The following VWA5B1 variants were observed in gnomAD, a reference collection of about 807,000 sequenced individuals.
The protein encoded by VWA5B1 is von Willebrand factor A domain-containing protein 5B1.
Under a neutral mutation model 118.2 loss-of-function variants are expected in VWA5B1, and 115 were observed. That is an observed-to-expected ratio of 0.97 (90% confidence interval 0.84 to 1.14). The LOEUF is 1.14. Among genes scored for constraint, VWA5B1 ranks in the 50% most tolerant of loss-of-function variants. The probability of loss-of-function intolerance (pLI) is 0.00; values close to 1 mark genes in which losing one functional copy is unlikely to be tolerated. For missense variants in VWA5B1, 1,596 were observed against 1,603.8 expected (o/e 1.00, Z 0.08); for synonymous variants, 682 against 658.4 (o/e 1.04, Z -0.55).
At position 20,323,541 on chromosome 1, in the gene VWA5B1, T is replaced by A; in HGVS notation, c.1143+9T>A. ...GCATGCACCGAGTCAAGGTACCTGC[T>A]GAGAGAACCCCTCCCGAGGACCCGG... On this transcript the variant is annotated intron_variant, in intron 8 of 21. Coordinates refer to ENST00000289815, the MANE Select transcript of VWA5B1 (RefSeq NM_001039500.3). The A allele has an allele frequency of 7.1e-7, 1 of 1,407,286 alleles. No homozygotes were observed. Among genetic ancestry groups the A allele is most frequent in the Non-Finnish European group, 9.3e-7 (1 of 1,070,128 alleles). The allele number at this position is 1,407,286 out of a possible 1,614,324, so 87.2% of individuals were successfully genotyped here.
chr1:20,330,877 G>A lies in VWA5B1; in HGVS notation c.1466G>A (p.Ser489Asn). Reference protein sequence around the residue: ...RNHAFSTRCYSFGIGPNVCHR... With the variant: ...RNHAFSTRCYNFGIGPNVCHR... Reference sequence around the variant, plus strand: ...TTCTCCCTTTCCGCCAGGTGCTATAGCTTTGGAATTGGACCCAACGTCTGC... The same window carrying A: ...TTCTCCCTTTCCGCCAGGTGCTATAACTTTGGAATTGGACCCAACGTCTGC... Residue 489 changes from serine to asparagine, a missense_variant, in exon 11 of 22, where the codon AGC becomes AAC. By Grantham distance (46) the Ser-to-Asn change is conservative (BLOSUM62 1). Transcript: ENST00000289815. 6.4e-7 allele frequency: 1 copy of A among 1,551,742 alleles called. No homozygotes were observed. The highest frequency in any genetic ancestry group is 1.2e-5 in the South Asian group (1 of 84,062).
chr1:20,324,942 G>A (rs1227415224), intron 8 of VWA5B1, among the ~76,000 whole-genome samples: 3 of 152,206 alleles, frequency 2.0e-5, no homozygotes, highest in Non-Finnish European at 4.4e-5. Context: ...GCTGAAGCAC[G>A]CTCAAGGCCT....
intron 1 of VWA5B1, among the ~76,000 whole-genome samples, chr1:20,301,276 G>A (rs1480417942): frequency 6.6e-6 from 1 of 152,210 alleles, no homozygotes; most frequent in Non-Finnish European, 1.5e-5. Context: ...AAGAGAAAAG[G>A]GAATGAAAGC....
intron 4 of VWA5B1, 79 bp from the exon 5 acceptor site, chr1:20,317,450 CG>C: frequency 1.3e-6 from 2 of 1,499,408 alleles, no homozygotes; most frequent in East Asian, 5.0e-5. Context: ...TGGAACTCAT[CG>C]TCCTCTCCTT....
chr1:20,318,599 G>T lies in VWA5B1; in HGVS notation c.719G>T (p.Ser240Ile). 1 of 1,551,316 alleles carries T rather than the reference G, an allele frequency of 6.4e-7. No individual in the cohort carries two copies. Among genetic ancestry groups the T allele is most frequent in the South Asian group, 1.2e-5 (1 of 84,000 alleles). The change falls in exon 6 of 22, where the codon AGT becomes ATT. Residue 240 changes from serine to isoleucine, a missense_variant. Coordinates refer to ENST00000289815, the MANE Select transcript of VWA5B1 (RefSeq NM_001039500.3). ...TTTCTATGCCACTCAGGGGTGGAGAGTCCCACTCATGAGATTCGTGCCGAC... is the reference window on the plus strand; with the variant it reads ...TTTCTATGCCACTCAGGGGTGGAGATTCCCACTCATGAGATTCGTGCCGAC... ...RGPCLLAGVESPTHEIRADAA... is the reference protein window; with the variant it reads ...RGPCLLAGVEIPTHEIRADAA...
At chr1:20,348,204 A>C (rs748811205) in intron 17 of VWA5B1, 41 bp from the exon 18 acceptor site, 220 of 1,534,494 alleles carry the variant, frequency 1.4e-4, no homozygotes, top group Non-Finnish European at 1.8e-4. Flanking sequence ...GGACTGGCAC[A>C]TTTGTACCCA....
intron 1 of VWA5B1, among the ~76,000 whole-genome samples, chr1:20,310,365 T>C (rs1332108686): frequency 6.6e-6 from 1 of 152,160 alleles, no homozygotes; most frequent in Non-Finnish European, 1.5e-5. Context: ...TTTCTCTACC[T>C]GTAAAATGAA....
chr1:20,346,984 A>G (rs1451496975), intron 17 of VWA5B1, among the ~76,000 whole-genome samples: 2 of 152,062 alleles, frequency 1.3e-5, no homozygotes, highest in Non-Finnish European at 2.9e-5. Context: ...TGTTGCAGGG[A>G]TGAGCGTCCC....
chr1:20,345,652 G>C (rs2089992993), intron 17 of VWA5B1, 59 bp downstream of exon 17: 2 of 1,480,536 alleles, frequency 1.4e-6, no homozygotes, highest in South Asian at 1.4e-5. Context: ...TGTGGACTAG[G>C]GGAGGGGGCT....
chr1:20,350,965 C>A (rs1269593209), intron 20 of VWA5B1, 39 bp downstream of exon 20: 2 of 1,543,338 alleles, frequency 1.3e-6, no homozygotes, highest in South Asian at 2.4e-5. Flanking sequence ...TCTCCTGCCA[C>A]CCATTTTCCT....
chr1:20,309,676 G>T (rs2088783119), intron 1 of VWA5B1, among the ~76,000 whole-genome samples: 1 of 152,176 alleles, frequency 6.6e-6, no homozygotes, highest in African/African-American at 2.4e-5. Flanking sequence ...GTAGAAGAGG[G>T]TAGTGGGGTA....
chr1:20,335,129 T>C (rs2089675228), intron 12 of VWA5B1, among the ~76,000 whole-genome samples: 1 of 152,154 alleles, frequency 6.6e-6, no homozygotes, highest in African/African-American at 2.4e-5. Context: ...GGCAACCTAG[T>C]GAGACCACTT....
Position 20,354,666 on chromosome 1 carries a change from A to C in VWA5B1, c.*403A>C, listed in dbSNP as rs230179. ...GACCACGTGGGCACGGAGTGGACAC[A>C]GCAATGCCCACTCAAATAAAAGGGC... is the stretch of plus-strand genomic sequence containing the variant. On this transcript the variant is annotated 3_prime_UTR_variant, in exon 22 of 22. Transcript: ENST00000289815. 0.097 allele frequency: 20,350 copies of C among 208,930 alleles called. 1,209 individuals carry two copies. Among genetic ancestry groups the C allele is most frequent in the African/African-American group, 0.17 (7,078 of 42,690 alleles). 12.9% of individuals were successfully genotyped at this position (208,930 alleles called of 1,614,324 possible). A position where few individuals can be genotyped will look rare whatever the true frequency, so the allele number is the denominator to read the frequency against.
intron 11 of VWA5B1, among the ~76,000 whole-genome samples, chr1:20,331,666 C>T (rs1192885505): frequency 6.6e-6 from 1 of 151,938 alleles, no homozygotes; most frequent in Non-Finnish European, 1.5e-5. Flanking sequence ...CCATCAAAGT[C>T]AGGGATGTGC....
chr1:20,332,989 C>T lies in VWA5B1; in HGVS notation c.1758+38C>T, dbSNP rs151141840. On this transcript the variant is annotated intron_variant, in intron 12 of 21. Transcript: ENST00000289815. Reference sequence around the variant, plus strand: ...GAAATTCCACGGGTCCGTGTGGGCCCAGAACCCATGCCTACAAATCAGCCT... The same window carrying T: ...GAAATTCCACGGGTCCGTGTGGGCCTAGAACCCATGCCTACAAATCAGCCT... 7.7e-5 allele frequency: 119 copies of T among 1,544,228 alleles called. No individual in the cohort carries two copies. In the African/African-American group the frequency reaches 1.5e-3, roughly 20 times the overall value.
At chr1:20,322,774 T>C (rs554472056) in intron 7 of VWA5B1, among the ~76,000 whole-genome samples, 1 of 152,236 alleles carries the variant, frequency 6.6e-6, no homozygotes. Context: ...CTCAGTGAGG[T>C]ATGTCTTCTT....
At chr1:20,337,060 G>A (rs1325415852) in intron 13 of VWA5B1, among the ~76,000 whole-genome samples, 1 of 152,062 alleles carries the variant, frequency 6.6e-6, no homozygotes, top group Non-Finnish European at 1.5e-5. Context: ...TGTGGAGAGT[G>A]TGACACTTAG....
intron 4 of VWA5B1, among the ~76,000 whole-genome samples, chr1:20,315,609 G>T (rs909481985): frequency 1.3e-5 from 2 of 152,216 alleles, no homozygotes; most frequent in Non-Finnish European, 2.9e-5. Context: ...AATGAAGGGT[G>T]CAAGCCATGG....
At chr1:20,297,731 C>T (rs1337926233) in intron 1 of VWA5B1, among the ~76,000 whole-genome samples, 1 of 152,220 alleles carries the variant, frequency 6.6e-6, no homozygotes, top group Non-Finnish European at 1.5e-5. Flanking sequence ...CAGGATTGGC[C>T]TCTGCCACTC....
Sources: allele counts gnomAD v4.1 joint callset (sites outside exome capture counted in the v4.1 genomes callset), GRCh38; gene constraint gnomAD v4.1.1; transcripts MANE v1.5; gene names NCBI Gene and HGNC (gene_info 2026-07-23, HGNC 2026-07-21).